Variants in BRINP3 observed in about 807,000 individuals in gnomAD.
The protein encoded by BRINP3 is BMP/retinoic acid-inducible neural-specific protein 3.
BRINP3 carries 19 observed loss-of-function variants against 71.0 expected under a neutral mutation model. The ratio of observed to expected loss-of-function variants is 0.27; its 90% CI spans 0.19 to 0.39. The LOEUF is 0.39. Ranked by LOEUF, BRINP3 falls within the 10% of genes least tolerant of loss-of-function variation. The pLI, the probability that BRINP3 is intolerant of heterozygous loss-of-function variation, is 1.00. For missense variants in BRINP3, 959 were observed against 940.8 expected (o/e 1.02, Z -0.25); for synonymous variants, 380 against 337.7 (o/e 1.13, Z -1.37).
At chr1:190,473,273 G>T (rs548307141) in intron 1 of BRINP3, among the ~76,000 whole-genome samples, 1 of 152,020 alleles carries the variant, frequency 6.6e-6, no homozygotes, top group East Asian at 1.9e-4. Context: ...TTCCCTAGTG[G>T]AGGAAAAACT....
intron 2 of BRINP3, among the ~76,000 whole-genome samples, chr1:190,301,227 A>ACATATATATG: frequency 2.4e-5 from 3 of 125,524 alleles, no homozygotes; most frequent in African/African-American, 6.6e-5. Context: ...ATATATATAT[A>ACATATATATG]TATATATACA....
At chr1:190,160,558 T>C (rs1657262369) in intron 7 of BRINP3, 110 bp downstream of exon 7, 12 of 801,188 alleles carry the variant, frequency 1.5e-5, no homozygotes, top group Admixed American at 5.9e-5. Flanking sequence ...TCTCTAATAG[T>C]ATAAATTAGA....
Position 190,123,701 on chromosome 1 carries a change from C to A in BRINP3, c.1185-24567G>T, listed in dbSNP as rs184988404. ...TCTAAATTGTTTCCTAAATGAATAA[C>A]CATATCATTCAGCCAAAAGGAAAAA... On this transcript the variant is annotated intron_variant, in intron 7 of 7. Transcript: ENST00000367462. Among the ~76,000 whole-genome samples, 187 of 152,196 alleles carry A rather than the reference C, an allele frequency of 1.2e-3. 1 individual carries two copies. In the Middle Eastern group the frequency reaches 0.014, roughly 11 times the overall value.
intron 7 of BRINP3, among the ~76,000 whole-genome samples, chr1:190,133,184 T>C (rs1053853455): frequency 1.3e-5 from 2 of 152,096 alleles, no homozygotes; most frequent in Non-Finnish European, 2.9e-5. Flanking sequence ...CATAGATAAC[T>C]AGCATTTTAT....
intron 2 of BRINP3, among the ~76,000 whole-genome samples, chr1:190,381,789 C>A (rs976626852): frequency 6.6e-6 from 1 of 152,064 alleles, no homozygotes; most frequent in South Asian, 2.1e-4. Flanking sequence ...ACTTGTAGGT[C>A]CTAGGCATAT....
At chr1:190,226,456 A>T in intron 5 of BRINP3, 138 bp from the exon 6 acceptor site, 1 of 497,254 alleles carries the variant, frequency 2.0e-6, no homozygotes, top group Non-Finnish European at 3.4e-6. Context: ...ACTATCAGAA[A>T]AATATCTAAG....
chr1:190,192,760 T>C (rs2102579976), intron 6 of BRINP3, among the ~76,000 whole-genome samples: 1 of 152,120 alleles, frequency 6.6e-6, no homozygotes. Context: ...TAGTAATAAA[T>C]AAAGAGATAG....
intron 6 of BRINP3, among the ~76,000 whole-genome samples, chr1:190,173,597 T>A (rs1314879339): frequency 6.6e-6 from 1 of 152,188 alleles, no homozygotes; most frequent in Non-Finnish European, 1.5e-5. Flanking sequence ...AAAGCAATAA[T>A]TCCTAAATTG....
rs752029342 is a variant in BRINP3 at position 190,281,739 on chromosome 1, C to T, written c.248G>A (p.Arg83His). The change falls in exon 3 of 8, where the codon CGC becomes CAC. Residue 83 changes from arginine to histidine, a missense_variant. Coordinates refer to ENST00000367462, the MANE Select transcript of BRINP3 (RefSeq NM_199051.3). ...AACTGCAAGGTTATTTACTTTCCAG[C>T]GGCCAAACTCCCTGAAAAGCAAATT... ...TRYKIYREFG[R>H]WKVNNLAVER... 14 of 1,605,040 alleles carry T rather than the reference C, an allele frequency of 8.7e-6. No homozygotes were observed. Among genetic ancestry groups the T allele is most frequent in the Admixed American group, 3.5e-5 (2 of 57,486 alleles).
In BRINP3 at chr1:190,175,541, G is replaced by A. The variant is rs934242974; in HGVS notation, c.962-14651C>T. Among the ~76,000 whole-genome samples, 3 of 152,074 alleles carry A rather than the reference G, an allele frequency of 2.0e-5. No homozygotes were observed. The South Asian group carries it at 6.2e-4, about 32-fold the overall frequency. On this transcript the variant is annotated intron_variant, in intron 6 of 7. Transcript: ENST00000367462. ...TATTTATATTGGAGCCCATACAAAC[G>A]TTAGACCTTAGCCAGAAATGCTGCT... is the stretch of plus-strand genomic sequence containing the variant.
At chr1:190,200,810 T>C (rs1322947801) in intron 6 of BRINP3, among the ~76,000 whole-genome samples, 1 of 152,108 alleles carries the variant, frequency 6.6e-6, no homozygotes, top group African/African-American at 2.4e-5. Context: ...GCTCTTTTTT[T>C]GCCTGCCGCC....
chr1:190,427,005 ACT>A (rs751070764), intron 2 of BRINP3, among the ~76,000 whole-genome samples: 41 of 151,112 alleles, frequency 2.7e-4, no homozygotes, highest in Non-Finnish European at 5.5e-4. Flanking sequence ...TTTAAGGTTA[ACT>A]CTCTTATCTT....
In BRINP3 at chr1:190,306,238, A is replaced by C. The variant is rs1316472477; in HGVS notation, c.237-24488T>G. Among the ~76,000 whole-genome samples, 6 of 151,940 alleles carry C rather than the reference A, an allele frequency of 3.9e-5. No individual in the cohort carries two copies. The East Asian group carries it at 9.7e-4, about 24-fold the overall frequency. ...AAATTAGTGCTGTCCAAAAAAAAAA[A>C]TTGTGAACCAAAAATGTTATTTTAA... On this transcript the variant is annotated intron_variant, in intron 2 of 7. Coordinates refer to ENST00000367462, the MANE Select transcript of BRINP3 (RefSeq NM_199051.3).
intron 7 of BRINP3, among the ~76,000 whole-genome samples, chr1:190,149,907 T>C (rs1482596038): frequency 6.6e-6 from 1 of 152,150 alleles, no homozygotes; most frequent in African/African-American, 2.4e-5. Flanking sequence ...CACATCAATG[T>C]TCTTTTGTGA....
intron 5 of BRINP3, among the ~76,000 whole-genome samples, chr1:190,226,569 C>T (rs1657400300): frequency 6.6e-6 from 1 of 151,864 alleles, no homozygotes; most frequent in Non-Finnish European, 1.5e-5. Flanking sequence ...ATTGAAAACT[C>T]AGACTATTTG....
At chr1:190,144,320 A>G (rs1206032585) in intron 7 of BRINP3, among the ~76,000 whole-genome samples, 1 of 152,082 alleles carries the variant, frequency 6.6e-6, no homozygotes, top group Non-Finnish European at 1.5e-5. Flanking sequence ...GCCCTAAAAC[A>G]AAGTGGAAGT....
At chr1:190,429,911 C>T (rs1176867640) in intron 2 of BRINP3, among the ~76,000 whole-genome samples, 2 of 152,054 alleles carry the variant, frequency 1.3e-5, no homozygotes, top group African/African-American at 2.4e-5. Flanking sequence ...ATTACATCTA[C>T]CTGGTTTTTA....
intron 2 of BRINP3, among the ~76,000 whole-genome samples, chr1:190,436,227 C>T (rs1674445453): frequency 1.3e-5 from 2 of 151,492 alleles, no homozygotes; most frequent in African/African-American, 4.8e-5. Context: ...ATCATTTGGC[C>T]TAGTTAGATA....
chr1:190,295,102 G>T (rs561776201), intron 2 of BRINP3, among the ~76,000 whole-genome samples: 1 of 152,110 alleles, frequency 6.6e-6, no homozygotes, highest in African/African-American at 2.4e-5. Context: ...ACAGTGTAGG[G>T]GCTTGGTCAA....
Sources: gnomAD v4.1 joint callset for allele counts (sites outside exome capture counted in the v4.1 genomes callset) on GRCh38, gnomAD v4.1.1 for gene constraint, MANE v1.5 for transcripts, NCBI Gene and HGNC (gene_info 2026-07-23, HGNC 2026-07-21) for gene names.